SGMS1: variants seen among roughly 807,000 people sequenced by gnomAD.
The protein encoded by SGMS1 is phosphatidylcholine:ceramide cholinephosphotransferase 1.
Under a neutral mutation model 46.2 loss-of-function variants are expected in SGMS1, and 13 were observed. The ratio of observed to expected loss-of-function variants is 0.28; its 90% confidence interval spans 0.18 to 0.45. The LOEUF is 0.45. SGMS1 is among the 20% of genes least tolerant of loss of function. The pLI, the probability that SGMS1 is intolerant of heterozygous loss-of-function variation, is 1.00. For synonymous variants in SGMS1, 203 were observed against 187.8 expected (o/e 1.08, Z -0.66); for missense variants, 324 against 519.9 (o/e 0.62, Z 3.66).
At position 50,318,265 on chromosome 10, in the gene SGMS1, T is replaced by C. The variant is rs141914415; in HGVS notation, c.742-6850A>G. On this transcript the variant is annotated intron_variant, in intron 8 of 10. Coordinates refer to ENST00000361781, the MANE Select transcript of SGMS1 (RefSeq NM_147156.4). ...ACTTTTATAGGAACAACAATGAGCA[T>C]GAATCCAACTTCAAACTGCAGTTTT... is the stretch of plus-strand genomic sequence containing the variant. Among the ~76,000 whole-genome samples, 433 of 152,340 alleles carry C rather than the reference T, an allele frequency of 2.8e-3. 1 individual carries two copies. Among genetic ancestry groups the C allele is most frequent in the Non-Finnish European group, 3.9e-3 (267 of 68,032 alleles).
At chr10:50,454,219 G>C (rs1011713034) in intron 5 of SGMS1, among the ~76,000 whole-genome samples, 5 of 152,060 alleles carry the variant, frequency 3.3e-5, no homozygotes, top group Non-Finnish European at 7.4e-5. Context: ...GATCATGGGG[G>C]GCCTCACATG....
chr10:50,311,158 A>C, intron 9 of SGMS1, 104 bp downstream of exon 9: 1 of 1,371,746 alleles, frequency 7.3e-7, no homozygotes, highest in South Asian at 1.4e-5. Context: ...TGAAGCCTCC[A>C]GTCTTGCTTC....
At chr10:50,451,667 A>G (rs995722655) in intron 5 of SGMS1, among the ~76,000 whole-genome samples, 1 of 151,964 alleles carries the variant, frequency 6.6e-6, no homozygotes, top group Non-Finnish European at 1.5e-5. Flanking sequence ...GATTCTGAAG[A>G]AAAAAAACTA....
intron 5 of SGMS1, among the ~76,000 whole-genome samples, chr10:50,445,400 C>G (rs1413932591): frequency 6.6e-6 from 1 of 152,186 alleles, no homozygotes; most frequent in Admixed American, 6.5e-5. Flanking sequence ...CTTGTGTCCA[C>G]AAATGTTGCG....
chr10:50,510,182 C>T (rs2133771430), intron 3 of SGMS1, among the ~76,000 whole-genome samples: 1 of 152,300 alleles, frequency 6.6e-6, no homozygotes, highest in South Asian at 2.1e-4. Context: ...GCTCCTTTCA[C>T]ATAACATAAT....
intron 1 of SGMS1, among the ~76,000 whole-genome samples, chr10:50,611,165 T>C (rs904362380): frequency 6.6e-6 from 1 of 152,120 alleles, no homozygotes; most frequent in Admixed American, 6.5e-5. Context: ...TTATGGTCCA[T>C]CTAGTCAAAT....
intron 6 of SGMS1, among the ~76,000 whole-genome samples, chr10:50,402,111 TTGTC>T (rs1385161259): frequency 6.7e-6 from 1 of 148,738 alleles, no homozygotes; most frequent in African/African-American, 2.4e-5. Context: ...TACAATAAAT[TTGTC>T]TGGTCAAAAG....
At chr10:50,544,214 C>T (rs1838080086) in intron 2 of SGMS1, among the ~76,000 whole-genome samples, 2 of 152,172 alleles carry the variant, frequency 1.3e-5, no homozygotes, top group African/African-American at 4.8e-5. Flanking sequence ...TCACTTAATC[C>T]TCCCAGCAAC....
At chr10:50,490,309 G>A (rs899392015) in intron 3 of SGMS1, among the ~76,000 whole-genome samples, 1 of 152,180 alleles carries the variant, frequency 6.6e-6, no homozygotes, top group East Asian at 1.9e-4. Flanking sequence ...ATTGCCATGA[G>A]AGGTGATATA....
intron 3 of SGMS1, among the ~76,000 whole-genome samples, chr10:50,509,405 T>A (rs1171863614): frequency 1.3e-5 from 2 of 152,150 alleles, no homozygotes; most frequent in African/African-American, 4.8e-5. Context: ...AAATCAAACA[T>A]GTTGGTTTTT....
intron 5 of SGMS1, among the ~76,000 whole-genome samples, chr10:50,456,139 A>G (rs941804112): frequency 2.0e-5 from 3 of 152,156 alleles, no homozygotes; most frequent in Non-Finnish European, 4.4e-5. Context: ...ATCCACCCAT[A>G]GGATCTACAA....
At chr10:50,606,150 T>C (rs1213818756) in intron 1 of SGMS1, among the ~76,000 whole-genome samples, 7 of 152,150 alleles carry the variant, frequency 4.6e-5, no homozygotes, top group African/African-American at 1.4e-4. Flanking sequence ...CCATGGAATA[T>C]TAAAAAGGAA....
At chr10:50,613,261 A>G (rs1241612650) in intron 1 of SGMS1, among the ~76,000 whole-genome samples, 1 of 152,226 alleles carries the variant, frequency 6.6e-6, no homozygotes, top group Non-Finnish European at 1.5e-5. Context: ...ACCTCTGTCC[A>G]GTCATCCCAC....
At chr10:50,351,166 C>T (rs1848004753) in intron 6 of SGMS1, among the ~76,000 whole-genome samples, 1 of 152,174 alleles carries the variant, frequency 6.6e-6, no homozygotes, top group African/African-American at 2.4e-5. Flanking sequence ...TATTTGACTG[C>T]CCCACTGGAG....
chr10:50,461,034 T>A (rs1837258085), intron 4 of SGMS1, among the ~76,000 whole-genome samples: 1 of 152,202 alleles, frequency 6.6e-6, no homozygotes, highest in African/African-American at 2.4e-5. Flanking sequence ...TACAGTAGTA[T>A]AATATATACA....
At chr10:50,542,036 G>T (rs1838057793) in intron 2 of SGMS1, among the ~76,000 whole-genome samples, 1 of 152,080 alleles carries the variant, frequency 6.6e-6, no homozygotes, top group Non-Finnish European at 1.5e-5. Context: ...ACCGTGGCAG[G>T]AACCATTATC....
At chr10:50,389,649 C>T (rs953322515) in intron 6 of SGMS1, among the ~76,000 whole-genome samples, 7 of 152,172 alleles carry the variant, frequency 4.6e-5, no homozygotes, top group African/African-American at 7.2e-5. Flanking sequence ...AAAATAAAGG[C>T]CTCTGATGTC....
At chr10:50,357,812 A>T (rs1848178011) in intron 6 of SGMS1, among the ~76,000 whole-genome samples, 1 of 152,234 alleles carries the variant, frequency 6.6e-6, no homozygotes, top group Admixed American at 6.5e-5. Flanking sequence ...TAAGGCATGA[A>T]GGACTCAAGA....
chr10:50,550,263 A>G (rs566559484), intron 2 of SGMS1, among the ~76,000 whole-genome samples: 4 of 152,350 alleles, frequency 2.6e-5, no homozygotes, highest in Admixed American at 2.6e-4. Flanking sequence ...CTAAGAAGGA[A>G]TCTAATCTAT....
Sources: gnomAD v4.1 joint callset for allele counts (sites outside exome capture counted in the v4.1 genomes callset) on GRCh38, gnomAD v4.1.1 for gene constraint, MANE v1.5 for transcripts, NCBI Gene and HGNC (gene_info 2026-07-23, HGNC 2026-07-21) for gene names.